The following CCSER1 variants were observed in gnomAD, a reference collection of about 807,000 sequenced individuals.
CCSER1 encodes coiled-coil serine rich protein 1.
CCSER1 carries 41 observed loss-of-function variants against 82.0 expected under a neutral mutation model. The observed-to-expected ratio is 0.50, with a 90% CI of 0.39 to 0.65. The LOEUF is 0.65. CCSER1 is among the 30% of genes least tolerant of loss of function. CCSER1 has a pLI of 0.00. For synonymous variants in CCSER1, 414 were observed against 383.9 expected (o/e 1.08, Z -0.92); for missense variants, 1,119 against 1,064.2 (o/e 1.05, Z -0.72).
intron 10 of CCSER1, among the ~76,000 whole-genome samples, chr4:91,106,916 C>T (rs780871625): frequency 6.6e-5 from 10 of 152,108 alleles, no homozygotes; most frequent in Non-Finnish European, 4.4e-5. Flanking sequence ...CAAATATAGC[C>T]GTGTGCCACA....
chr4:90,287,520 A>AT (rs1166299135), intron 1 of CCSER1, among the ~76,000 whole-genome samples: 1 of 151,844 alleles, frequency 6.6e-6, no homozygotes, highest in Non-Finnish European at 1.5e-5. Flanking sequence ...CATTATTTCC[A>AT]TGTTACATGA....
At chr4:91,434,616 C>T (rs545099007) in intron 10 of CCSER1, among the ~76,000 whole-genome samples, 4 of 152,274 alleles carry the variant, frequency 2.6e-5, no homozygotes, top group African/African-American at 9.6e-5. Flanking sequence ...ATATCCACAG[C>T]TTTCCATAAC....
rs374867450 is a variant in CCSER1, at chr4:91,544,131, G to C, written c.2218-54441G>C. On this transcript the variant is annotated intron_variant, in intron 10 of 10. Transcript: ENST00000509176. ...CTTGTGCATGCGTCATGTAGTTCTCGTGCAATGGTTTTCAGCTCCATCAGG... is the reference window on the plus strand; with the variant it reads ...CTTGTGCATGCGTCATGTAGTTCTCCTGCAATGGTTTTCAGCTCCATCAGG... 3.2e-3 allele frequency among the ~76,000 whole-genome samples: 483 copies of C among 152,100 alleles called. 4 individuals are homozygous for C. Among genetic ancestry groups the C allele is most frequent in the African/African-American group, 0.011 (472 of 41,496 alleles).
chr4:91,032,797 C>CA (rs1741099240), intron 9 of CCSER1, among the ~76,000 whole-genome samples: 1 of 152,156 alleles, frequency 6.6e-6, no homozygotes, highest in African/African-American at 2.4e-5. Flanking sequence ...TACTTGGGCC[C>CA]AACCCCAGAG....
chr4:90,720,777 G>A (rs1742534073), intron 6 of CCSER1, among the ~76,000 whole-genome samples: 1 of 151,874 alleles, frequency 6.6e-6, no homozygotes, highest in Non-Finnish European at 1.5e-5. Context: ...ATTAAAATGA[G>A]TACATGTTTG....
chr4:90,933,132 A>AGTGTGTGTGTGTGTGTGTGTGTGT (rs536402295), intron 9 of CCSER1, among the ~76,000 whole-genome samples: 1 of 70,170 alleles, frequency 1.4e-5, no homozygotes, highest in African/African-American at 7.2e-5. Flanking sequence ...GTTACCTAGA[A>AGTGTGTGTGTGTGTGTGTGTGTGT]GTGTGTGTGT....
At chr4:90,170,600 A>G (rs1037844865) in intron 1 of CCSER1, among the ~76,000 whole-genome samples, 1 of 151,792 alleles carries the variant, frequency 6.6e-6, no homozygotes, top group African/African-American at 2.4e-5. Flanking sequence ...TAGCACCCAC[A>G]AATAGATGAG....
At chr4:90,579,141 C>T (rs1560753056) in intron 5 of CCSER1, among the ~76,000 whole-genome samples, 1 of 151,996 alleles carries the variant, frequency 6.6e-6, no homozygotes, top group Non-Finnish European at 1.5e-5. Context: ...TCAGGTCACA[C>T]AGAAGAATAT....
At chr4:90,693,884 AAAG>A (rs1173133651) in intron 6 of CCSER1, among the ~76,000 whole-genome samples, 4 of 150,600 alleles carry the variant, frequency 2.7e-5, no homozygotes, top group Non-Finnish European at 6.0e-5. Context: ...AGAGAGAAAG[AAAG>A]AAGAAAGAGA....
In CCSER1 at chr4:91,096,947, G is replaced by A. The variant is rs140239837; in HGVS notation, c.2217+10953G>A. On this transcript the variant is annotated intron_variant, in intron 10 of 10. Transcript: ENST00000509176. The stretch of plus-strand genomic sequence containing the variant: ...AAGTCAAAACCAGAACAGAAGTGCC[G>A]ACACAGGCACACCGTGGGTGATCAG... Among the ~76,000 whole-genome samples the A allele has an allele frequency of 1.2e-4, 19 of 152,220 alleles. No homozygotes were observed. In the East Asian group the frequency reaches 1.5e-3, roughly 12 times the overall value.
At chr4:91,352,184 T>C (rs1748514603) in intron 10 of CCSER1, among the ~76,000 whole-genome samples, 1 of 152,234 alleles carries the variant, frequency 6.6e-6, no homozygotes, top group African/African-American at 2.4e-5. Context: ...CTCTAAAGAT[T>C]GTCAAAACTT....
intron 1 of CCSER1, among the ~76,000 whole-genome samples, chr4:90,146,090 A>C (rs1725759320): frequency 6.6e-6 from 1 of 152,122 alleles, no homozygotes; most frequent in East Asian, 1.9e-4. Context: ...AAAATGTTTC[A>C]AAGTGAAATA....
intron 8 of CCSER1, among the ~76,000 whole-genome samples, chr4:90,910,134 A>G (rs1726113769): frequency 6.6e-6 from 1 of 152,124 alleles, no homozygotes; most frequent in African/African-American, 2.4e-5. Flanking sequence ...GCAAAGTGGG[A>G]AGGGCCATCC....
chr4:90,263,989 C>A (rs1049665257), intron 1 of CCSER1, among the ~76,000 whole-genome samples: 1 of 152,168 alleles, frequency 6.6e-6, no homozygotes, highest in Non-Finnish European at 1.5e-5. Flanking sequence ...ACTTTGCCCC[C>A]ACTTGGGGAA....
intron 5 of CCSER1, among the ~76,000 whole-genome samples, chr4:90,540,021 C>T (rs1024927207): frequency 2.0e-5 from 3 of 152,038 alleles, no homozygotes; most frequent in African/African-American, 4.8e-5. Flanking sequence ...ATTTCAGACA[C>T]TGACCATAAG....
At chr4:90,276,489 A>G (rs1447455103) in intron 1 of CCSER1, among the ~76,000 whole-genome samples, 1 of 150,724 alleles carries the variant, frequency 6.6e-6, no homozygotes, top group Non-Finnish European at 1.5e-5. Flanking sequence ...TGGGATTACA[A>G]TAAGTGCCAC....
At chr4:90,841,635 A>G (rs1762588457) in intron 8 of CCSER1, among the ~76,000 whole-genome samples, 1 of 151,496 alleles carries the variant, frequency 6.6e-6, no homozygotes, top group South Asian at 2.1e-4. Flanking sequence ...TTTCCCTGAC[A>G]TAGTCTGGGT....
Position 91,531,571 on chromosome 4 carries a change from C to T in CCSER1, c.2218-67001C>T, listed in dbSNP as rs769084956. On this transcript the variant is annotated intron_variant, in intron 10 of 10. Transcript: ENST00000509176. ...TACAGATAGTAAATTGTTAGTTACT[C>T]CATGTTTTAGTCCATTCCTGCTGCT... 2.0e-5 allele frequency among the ~76,000 whole-genome samples: 3 copies of T among 152,246 alleles called. No individual in the cohort carries two copies. In the South Asian group the frequency reaches 6.2e-4, roughly 32 times the overall value.
chr4:90,331,367 A>G (rs551867853), intron 3 of CCSER1, among the ~76,000 whole-genome samples: 1 of 152,176 alleles, frequency 6.6e-6, no homozygotes, highest in Non-Finnish European at 1.5e-5. Context: ...AGTGCTAACT[A>G]TGTGCCCGTT....
Sources: gnomAD v4.1 joint callset for allele counts (sites outside exome capture counted in the v4.1 genomes callset) on GRCh38, gnomAD v4.1.1 for gene constraint, MANE v1.5 for transcripts, NCBI Gene and HGNC (gene_info 2026-07-23, HGNC 2026-07-21) for gene names.